Variants in MAST4 observed in about 807,000 individuals in gnomAD.
MAST4 encodes microtubule-associated serine/threonine-protein kinase 4.
Under a neutral mutation model 162.7 loss-of-function variants are expected in MAST4, and 89 were observed. The ratio of observed to expected loss-of-function variants is 0.55; its 90% CI spans 0.46 to 0.65. MAST4 has a LOEUF of 0.65. Ranked by LOEUF, MAST4 falls within the 30% of genes least tolerant of loss-of-function variation. MAST4 has a pLI of 0.00. For synonymous variants in MAST4, 1,479 were observed against 1,361.1 expected (o/e 1.09, Z -1.91); for missense variants, 3,153 against 3,374.0 (o/e 0.93, Z 1.62).
chr5:66,690,196 T>C (rs1237158059), intron 1 of MAST4, among the ~76,000 whole-genome samples: 1 of 152,190 alleles, frequency 6.6e-6, no homozygotes, highest in Non-Finnish European at 1.5e-5. Context: ...AGAACCACCA[T>C]ACTTGCCTTG....
rs35220825 is a variant in MAST4, at chr5:66,880,673, A to G, written c.643-19278A>G. On this transcript the variant is annotated intron_variant, in intron 3 of 28. Transcript: ENST00000403625. ...AGTAGAAGACTACAGAGCTTATCTC[A>G]TTTGTTTTCAGCCTAACATCTCTCT... Among the ~76,000 whole-genome samples the G allele has an allele frequency of 3.4e-3, 514 of 152,292 alleles. 3 individuals carry two copies. The Middle Eastern group carries it at 0.037, about 11-fold the overall frequency.
intron 1 of MAST4, among the ~76,000 whole-genome samples, chr5:66,732,609 C>T (rs1333177481): frequency 2.6e-5 from 4 of 152,192 alleles, no homozygotes; most frequent in African/African-American, 7.2e-5. Context: ...CTTTATACAT[C>T]TGGTGCCTGC....
intron 3 of MAST4, among the ~76,000 whole-genome samples, chr5:66,844,632 C>A (rs1758680959): frequency 6.6e-6 from 1 of 151,992 alleles, no homozygotes; most frequent in Admixed American, 6.6e-5. Context: ...GAGCTTATGG[C>A]CAGAAGTGGA....
chr5:66,641,117 T>G (rs193045119), intron 1 of MAST4, among the ~76,000 whole-genome samples: 1 of 152,278 alleles, frequency 6.6e-6, no homozygotes, highest in East Asian at 1.9e-4. Context: ...GGACTGAATT[T>G]TGGATGTTCA....
chr5:67,078,739 A>AATATATATTTATTTATATTTATCTAAAT (rs1207110513), intron 5 of MAST4, among the ~76,000 whole-genome samples: 3,865 of 116,734 alleles, frequency 0.033, 171 homozygotes, highest in African/African-American at 0.042. Context: ...TATTTATCTA[A>AATATATATTTATTTATATTTATCTAAAT]ATATATATTT....
intron 4 of MAST4, among the ~76,000 whole-genome samples, chr5:67,040,958 T>G (rs1353008175): frequency 6.6e-6 from 1 of 152,226 alleles, no homozygotes; most frequent in Non-Finnish European, 1.5e-5. Flanking sequence ...AGTTCTTCAA[T>G]TTTCACATCT....
intron 4 of MAST4, among the ~76,000 whole-genome samples, chr5:66,957,367 G>A (rs1188308062): frequency 6.6e-6 from 1 of 152,082 alleles, no homozygotes; most frequent in Non-Finnish European, 1.5e-5. Flanking sequence ...TTGAGATGGA[G>A]TCTTGCTGTG....
chr5:66,757,910 A>G (rs1753639279), intron 1 of MAST4, among the ~76,000 whole-genome samples: 1 of 152,214 alleles, frequency 6.6e-6, no homozygotes, highest in African/African-American at 2.4e-5. Flanking sequence ...CTGACTCTAG[A>G]TGAACTCAGT....
At chr5:67,041,611 T>TAGCC (rs1756750485) in intron 4 of MAST4, among the ~76,000 whole-genome samples, 1 of 152,224 alleles carries the variant, frequency 6.6e-6, no homozygotes, top group Admixed American at 6.5e-5. Flanking sequence ...AATCTCCACA[T>TAGCC]AGCCCTCTGT....
At chr5:66,879,349 C>T (rs1223052487) in intron 3 of MAST4, among the ~76,000 whole-genome samples, 1 of 98,146 alleles carries the variant, frequency 1.0e-5, no homozygotes, top group Non-Finnish European at 2.6e-5. Context: ...AATATATACA[C>T]ACACACACAC....
At chr5:66,604,566 G>T (rs1330151395) in intron 1 of MAST4, among the ~76,000 whole-genome samples, 3 of 152,204 alleles carry the variant, frequency 2.0e-5, no homozygotes, top group African/African-American at 7.2e-5. Flanking sequence ...TGGGCAGCAG[G>T]ATCACAGGTG....
chr5:66,786,894 GA>G (rs1755143038), intron 2 of MAST4, among the ~76,000 whole-genome samples: 1 of 151,984 alleles, frequency 6.6e-6, no homozygotes, highest in Admixed American at 6.6e-5. Flanking sequence ...TATTTGCTTG[GA>G]AAAAATCAAT....
At chr5:67,041,204 G>A (rs1000500622) in intron 4 of MAST4, among the ~76,000 whole-genome samples, 3 of 152,180 alleles carry the variant, frequency 2.0e-5, no homozygotes, top group African/African-American at 7.2e-5. Flanking sequence ...ACTGAAGTCT[G>A]TTGAGTGCAG....
chr5:67,103,008 A>C (rs991234326), intron 9 of MAST4, among the ~76,000 whole-genome samples: 5 of 152,206 alleles, frequency 3.3e-5, no homozygotes, highest in Admixed American at 6.5e-5. Context: ...TTGGTGTGTC[A>C]TGAGAGTTGC....
In MAST4 at chr5:67,165,133, G is replaced by A. The variant is rs367761541; in HGVS notation, c.5954G>A (p.Arg1985His). 9.4e-6 allele frequency: 15 copies of A among 1,589,564 alleles called. No homozygotes were observed. Among genetic ancestry groups the A allele is most frequent in the African/African-American group, 2.7e-5 (2 of 74,344 alleles). Residue 1985 changes from arginine to histidine, a missense_variant, in exon 29 of 29, where the codon CGC becomes CAC. Arg to His is a conservative substitution (Grantham distance 29). Around this residue, in one of 7 missense-constraint regions of MAST4, gnomAD observed 1,644 missense variants for 1,495.0 expected, o/e 1.10. Coordinates refer to ENST00000403625, the MANE Select transcript of MAST4 (RefSeq NM_001164664.2). Reference protein sequence around the residue: ...ERGPPTARSERSAARADTCRE... With the variant: ...ERGPPTARSEHSAARADTCRE... ...GGCCCTCCCACAGCCAGAAGCGAGC[G>A]CTCTGCTGCGAGGGCTGACACATGC...
chr5:66,970,767 G>A (rs78788554), intron 4 of MAST4, among the ~76,000 whole-genome samples: 1,759 of 152,324 alleles, frequency 0.012, 31 homozygotes, highest in African/African-American at 0.04. Flanking sequence ...AGTGCTGCAC[G>A]TATGTTAACT....
At chr5:66,957,342 A>G (rs931430577) in intron 4 of MAST4, among the ~76,000 whole-genome samples, 2 of 151,728 alleles carry the variant, frequency 1.3e-5, no homozygotes, top group Non-Finnish European at 2.9e-5. Context: ...GTTCCATTAT[A>G]TCTTGTTTGT....
rs1187307231 is a variant in MAST4 at position 67,110,128 on chromosome 5, G to A, written c.1387G>A (p.Ala463Thr). ...TGATCGTTCAGAAAGTGGAGAATTG[G>A]CATTTATTAAACAACTAGTTCGAAA... The part of the protein sequence containing the change: ...AHDRSESGEL[A>T]FIKQLVRKIL... The change falls in exon 11 of 29, where the codon GCA (alanine) becomes ACA (threonine). Residue 463 changes from alanine to threonine, a missense_variant. By Grantham distance (58) the Ala-to-Thr change is moderately conservative. Transcript: ENST00000403625. The A allele has an allele frequency of 2.5e-6, 4 of 1,613,486 alleles. No homozygotes were observed. The highest frequency in any genetic ancestry group is 2.2e-5 in the South Asian group (2 of 91,048).
intron 3 of MAST4, among the ~76,000 whole-genome samples, chr5:66,794,816 AG>A (rs1755572583): frequency 6.6e-6 from 1 of 152,180 alleles, no homozygotes. Flanking sequence ...CTTTCAATGG[AG>A]AAATTACATT....
Sources: allele counts gnomAD v4.1 joint callset (sites outside exome capture counted in the v4.1 genomes callset), GRCh38; gene constraint gnomAD v4.1.1; regional missense constraint gnomAD v4.1.1; transcripts MANE v1.5; gene names NCBI Gene and HGNC (gene_info 2026-07-23, HGNC 2026-07-21).